The following ARF3 variants were observed in gnomAD, a reference collection of about 807,000 sequenced individuals.
ARF3 encodes ADP-ribosylation factor 3.
Under a neutral mutation model 19.3 loss-of-function variants are expected in ARF3, and 5 were observed. The ratio of observed to expected loss-of-function variants is 0.26; its 90% CI spans 0.14 to 0.54. The LOEUF is 0.54. Ranked by LOEUF, ARF3 falls within the 20% of genes least tolerant of loss-of-function variation. The pLI is 0.95. For missense variants in ARF3, 77 were observed against 234.2 expected, an observed-to-expected ratio of 0.33 and a Z score of 4.38; for synonymous variants, 71 against 89.2, an observed-to-expected ratio of 0.80 and a Z score of 1.15.
intron 1 of ARF3, chr12:48,956,435 C>G (rs1047815037): frequency 2.6e-5 from 4 of 152,198 alleles, no homozygotes; most frequent in African/African-American, 4.8e-5. Context: ...TCAAGTGGCC[C>G]GTTTTAACAG....
At chr12:48,951,540 G>C (rs987010615) in intron 1 of ARF3, among the ~76,000 whole-genome samples, 2 of 150,568 alleles carry the variant, frequency 1.3e-5, no homozygotes, top group African/African-American at 4.9e-5. Flanking sequence ...TCCAGCCTCG[G>C]TGACAAGAAC....
Position 48,938,857 on chromosome 12 carries a change from C to T in ARF3, c.*90G>A. ...CATGATACCCAGGGCCCTGGCCACA[C>T]TTGCATGGAGAGGAAGGGGTAGGAC... is the stretch of plus-strand genomic sequence containing the variant. On this transcript the variant is annotated 3_prime_UTR_variant, in exon 5 of 5. Coordinates refer to ENST00000256682, the MANE Select transcript of ARF3 (RefSeq NM_001659.3). 6.6e-7 allele frequency: 1 copy of T among 1,520,766 alleles called. No individual in the cohort carries two copies. The highest frequency in any genetic ancestry group is 8.9e-7 in the Non-Finnish European group (1 of 1,125,256). The allele number at this position is 1,520,766 out of a possible 1,614,324, so 94.2% of individuals were successfully genotyped here.
At chr12:48,945,140 TA>T (rs36072910) in intron 1 of ARF3, among the ~76,000 whole-genome samples, 39,338 of 91,794 alleles carry the variant, frequency 0.43, 9,413 homozygotes, top group South Asian at 0.6. Context: ...GACTCTGTCT[TA>T]AAAAAAAAAA....
intron 1 of ARF3, among the ~76,000 whole-genome samples, chr12:48,948,138 G>A (rs1940392872): frequency 6.6e-6 from 1 of 151,612 alleles, no homozygotes; most frequent in Non-Finnish European, 1.5e-5. Flanking sequence ...CCAGGAAGTT[G>A]TGGCTGCAGT....
At chr12:48,940,682 A>C (rs1940240480) in intron 2 of ARF3, among the ~76,000 whole-genome samples, 1 of 152,210 alleles carries the variant, frequency 6.6e-6, no homozygotes. Context: ...TTTCCAAACA[A>C]CACAGAGAAG....
intron 1 of ARF3, among the ~76,000 whole-genome samples, chr12:48,948,270 CTTT>C (rs35020764): frequency 6.9e-6 from 1 of 145,364 alleles, no homozygotes. Flanking sequence ...TTTATATAAT[CTTT>C]TTTTTTTTTT....
At chr12:48,952,065 G>A (rs1049693194) in intron 1 of ARF3, among the ~76,000 whole-genome samples, 6 of 152,172 alleles carry the variant, frequency 3.9e-5, no homozygotes, top group African/African-American at 1.4e-4. Flanking sequence ...GAGTTTTGGT[G>A]TAAACTAAAA....
intron 1 of ARF3, among the ~76,000 whole-genome samples, chr12:48,951,076 T>A (rs915430838): frequency 6.6e-6 from 1 of 152,166 alleles, no homozygotes; most frequent in Non-Finnish European, 1.5e-5. Flanking sequence ...CGTGAGCCAC[T>A]GCACCCGGCC....
chr12:48,938,062 AG>A lies in ARF3; in HGVS notation c.*884del, dbSNP rs1237204518. 5 of 195,190 alleles carry A rather than the reference AG, an allele frequency of 2.6e-5. No individual in the cohort carries two copies. The Admixed American group carries it at 2.7e-4, about 10-fold the overall frequency. 12.1% of individuals were successfully genotyped at this position (195,190 alleles called of 1,614,324 possible). A position where few individuals can be genotyped will look rare whatever the true frequency, so the allele number is the denominator to read the frequency against. ...GGAACAGATCTGAAGATGGTGGGGA[AG>A]GATCAGTTGAACACTCTAAGCTGAT... On this transcript the variant is annotated 3_prime_UTR_variant, in exon 5 of 5. Transcript: ENST00000256682.
At position 48,939,823 on chromosome 12, in the gene ARF3, C is replaced by T. The variant is rs767458501; in HGVS notation, c.260-44G>A. The T allele has an allele frequency of 1.7e-5, 27 of 1,611,438 alleles. 1 individual carries two copies. In the South Asian group the frequency reaches 2.3e-4, roughly 14 times the overall value. On this transcript the variant is annotated intron_variant, in intron 3 of 4. Coordinates refer to ENST00000256682, the MANE Select transcript of ARF3 (RefSeq NM_001659.3). The surrounding 1 kb of genome is among the most constrained non-coding windows in gnomAD (Gnocchi z 4.8). ...GGCTGCACTAAGATGACAGGTAACC[C>T]CCTCCCCCCAACCAAAAGACCACAC...
At chr12:48,941,251 AT>A in intron 1 of ARF3, 63 bp from the exon 2 acceptor site, 2 of 896,590 alleles carry the variant, frequency 2.2e-6, no homozygotes, top group Non-Finnish European at 3.3e-6. Context: ...AGTAAATAGA[AT>A]TTCCCAAGGT....
intron 1 of ARF3, among the ~76,000 whole-genome samples, chr12:48,945,881 C>A (rs1489555900): frequency 6.6e-6 from 1 of 152,196 alleles, no homozygotes; most frequent in Non-Finnish European, 1.5e-5. Flanking sequence ...TTGCTCACTG[C>A]AACTTCTGCC....
In ARF3 at chr12:48,937,896, T is replaced by G. The variant is rs41291977; in HGVS notation, c.*1051A>C. 3,034 of 157,648 alleles carry G rather than the reference T, an allele frequency of 0.019. 49 individuals are homozygous for G. Among genetic ancestry groups the G allele is most frequent in the Middle Eastern group, 0.073 (23 of 314 alleles). The allele number at this position is 157,648 out of a possible 1,614,324, so 9.8% of individuals were successfully genotyped here. On this transcript the variant is annotated 3_prime_UTR_variant, in exon 5 of 5. Coordinates refer to ENST00000256682, the MANE Select transcript of ARF3 (RefSeq NM_001659.3). ...GGGCACTGGAAGGCAGGAATGGGAT[T>G]GGCCCATGCCTCACCTTCTCCTAAT...
intron 1 of ARF3, among the ~76,000 whole-genome samples, chr12:48,952,337 G>A (rs1940486580): frequency 6.6e-6 from 1 of 152,210 alleles, no homozygotes; most frequent in African/African-American, 2.4e-5. Context: ...GACAAGGTCT[G>A]TTTTAGAATC....
rs551075961 is a variant in ARF3, at chr12:48,947,585, C to A, written c.-93-6397G>T. Among the ~76,000 whole-genome samples the A allele has an allele frequency of 3.9e-5, 6 of 152,252 alleles. No individual in the cohort carries two copies. In the South Asian group the frequency reaches 1.0e-3, roughly 26 times the overall value. On this transcript the variant is annotated intron_variant, in intron 1 of 4. Coordinates refer to ENST00000256682, the MANE Select transcript of ARF3 (RefSeq NM_001659.3). ...CCCCCCAAAGTGCTGGGATTACAGG[C>A]GTGGGCCACCGTGCCTGGCCTCATT...
At chr12:48,944,146 GT>G in intron 1 of ARF3, among the ~76,000 whole-genome samples, 1 of 152,350 alleles carries the variant, frequency 6.6e-6, no homozygotes, top group East Asian at 1.9e-4. Flanking sequence ...TGCTTTAAAG[GT>G]TTGGTATCAG....
chr12:48,952,089 A>G (rs963991089), intron 1 of ARF3, among the ~76,000 whole-genome samples: 1 of 152,188 alleles, frequency 6.6e-6, no homozygotes, highest in Admixed American at 6.5e-5. Context: ...ACCTAACTAA[A>G]TAAGTTCCTA....
chr12:48,956,820 C>A (rs942082546), intron 1 of ARF3, among the ~76,000 whole-genome samples: 11 of 152,176 alleles, frequency 7.2e-5, no homozygotes, highest in East Asian at 5.8e-4. Flanking sequence ...CCCCAACCCC[C>A]CTACGCACCC....
chr12:48,936,599 ACCAAGGCAACCT>A lies in ARF3; in HGVS notation c.*2336_*2347del, dbSNP rs1410024417. 1.3e-5 allele frequency: 2 copies of A among 152,628 alleles called. No individual in the cohort carries two copies. The highest frequency in any genetic ancestry group is 2.9e-5 in the Non-Finnish European group (2 of 68,062). The allele number at this position is 152,628 out of a possible 1,614,324, so 9.5% of individuals were successfully genotyped here. A position where few individuals can be genotyped will look rare whatever the true frequency, so the allele number is the denominator to read the frequency against. On this transcript the variant is annotated 3_prime_UTR_variant, in exon 5 of 5. Transcript: ENST00000256682. Reference sequence around the variant, plus strand: ...CCCTGCTGGACAGATCTGGGGCAGCACCAAGGCAACCTCCTAACATTTCCAGCCCCAGATTGG... The same window carrying A: ...CCCTGCTGGACAGATCTGGGGCAGCACCTAACATTTCCAGCCCCAGATTGG...
Sources: allele counts gnomAD v4.1 joint callset (sites outside exome capture counted in the v4.1 genomes callset), GRCh38; gene constraint gnomAD v4.1.1; non-coding constraint Gnocchi (gnomAD v3.1); transcripts MANE v1.5; gene names NCBI Gene and HGNC (gene_info 2026-07-23, HGNC 2026-07-21).